The following AGT variants were observed in gnomAD, a reference collection of about 807,000 sequenced individuals.
AGT encodes angiotensinogen, also known as alpha-1 antiproteinase, antitrypsin.
AGT carries 26 observed loss-of-function variants against 28.1 expected under a neutral mutation model. That is an observed-to-expected ratio of 0.92 (90% CI 0.68 to 1.28). The LOEUF (loss-of-function observed/expected upper bound fraction) is 1.28. Among genes scored for constraint, AGT ranks in the 50% most tolerant of loss-of-function variants. The probability of loss-of-function intolerance (pLI) is 0.00; values close to 1 mark genes in which losing one functional copy is unlikely to be tolerated. For synonymous variants in AGT, 259 were observed against 259.6 expected, an observed-to-expected ratio of 1.00 and a Z score of 0.02; for missense variants, 596 against 592.3, an observed-to-expected ratio of 1.01 and a Z score of -0.06.
intron 1 of AGT, among the ~76,000 whole-genome samples, chr1:230,720,698 A>T (rs1011923680): frequency 6.6e-6 from 1 of 152,162 alleles, no homozygotes; most frequent in Non-Finnish European, 1.5e-5. Context: ...CTACACTGTC[A>T]TGCCCACCTT....
At chr1:230,709,323 C>T (rs1050903878) in intron 2 of AGT, among the ~76,000 whole-genome samples, 1 of 151,924 alleles carries the variant, frequency 6.6e-6, no homozygotes, top group Admixed American at 6.6e-5. Context: ...AATCCCAACA[C>T]TTTGGAAGGC....
intron 4 of AGT, among the ~76,000 whole-genome samples, chr1:230,703,803 C>T (rs762468220): frequency 5.3e-5 from 8 of 152,224 alleles, no homozygotes; most frequent in Non-Finnish European, 7.3e-5. Context: ...TGCCACATGG[C>T]AGGGGGACAT....
intron 2 of AGT, among the ~76,000 whole-genome samples, chr1:230,708,453 G>C (rs1288368553): frequency 6.6e-6 from 1 of 152,102 alleles, no homozygotes; most frequent in Non-Finnish European, 1.5e-5. Context: ...CCTCAACCGG[G>C]CAACCCTCGG....
chr1:230,730,588 C>A (rs971747534), intron 1 of AGT, among the ~76,000 whole-genome samples: 1 of 152,138 alleles, frequency 6.6e-6, no homozygotes, highest in Non-Finnish European at 1.5e-5. Context: ...GTGTGTGGAA[C>A]GAGCTGTGTC....
intron 1 of AGT, among the ~76,000 whole-genome samples, chr1:230,737,699 A>G (rs1162607045): frequency 6.6e-6 from 1 of 152,238 alleles, no homozygotes; most frequent in Non-Finnish European, 1.5e-5. Context: ...AATGAGGCAC[A>G]GAGCTTATTT....
intron 1 of AGT, among the ~76,000 whole-genome samples, chr1:230,721,692 T>C (rs1230247816): frequency 6.6e-6 from 1 of 152,120 alleles, no homozygotes; most frequent in Admixed American, 6.5e-5. Context: ...ATAAGGAACT[T>C]ATTGGGAACT....
chr1:230,719,958 G>T (rs964765954), intron 1 of AGT, among the ~76,000 whole-genome samples: 1 of 152,114 alleles, frequency 6.6e-6, no homozygotes, highest in Non-Finnish European at 1.5e-5. Flanking sequence ...TTGCAACAGG[G>T]GTCAAGCTCA....
At chr1:230,718,534 T>G (rs889255660), upstream of AGT, among the ~76,000 whole-genome samples, 16 of 152,030 alleles carry the variant, frequency 1.1e-4, no homozygotes, top group Non-Finnish European at 2.4e-4. Flanking sequence ...ATCTCCTCCC[T>G]GCTCTCCTCC....
At chr1:230,743,553 C>T (rs188125413) in intron 1 of AGT, among the ~76,000 whole-genome samples, 24 of 152,364 alleles carry the variant, frequency 1.6e-4, no homozygotes, top group African/African-American at 5.3e-4. Context: ...CCACTCTCCA[C>T]CCTCCTCGCC....
At chr1:230,737,221 C>T (rs1018904079) in intron 1 of AGT, among the ~76,000 whole-genome samples, 7 of 152,172 alleles carry the variant, frequency 4.6e-5, no homozygotes, top group East Asian at 1.9e-4. Flanking sequence ...CTGCATTGCC[C>T]GCAAGAAAAA....
rs1020523643 is a variant in AGT, at chr1:230,745,338, T to C, written c.-31+177A>G. On this transcript the variant is annotated intron_variant, in intron 1 of 4. Coordinates refer to the AGT transcript ENST00000681269. ...TTTGCTTCCACAAACCCGCCATGCC[T>C]CTAGCAGGCAGCACCGATTATCCTG... is the stretch of plus-strand genomic sequence containing the variant. 3.3e-5 allele frequency among the ~76,000 whole-genome samples: 5 copies of C among 152,252 alleles called. No individual in the cohort carries two copies. In the East Asian group the frequency reaches 7.7e-4, roughly 24 times the overall value.
At chr1:230,740,563 A>G (rs1006034214) in intron 1 of AGT, among the ~76,000 whole-genome samples, 8 of 152,242 alleles carry the variant, frequency 5.3e-5, no homozygotes, top group Admixed American at 4.6e-4. Flanking sequence ...TTTAAAATGA[A>G]TAAGAGTGTC....
chr1:230,706,105 T>A lies in AGT; in HGVS notation c.925A>T (p.Thr309Ser). The A allele has an allele frequency of 6.2e-7, 1 of 1,613,494 alleles. No homozygotes were observed. The highest frequency in any genetic ancestry group is 8.5e-7 in the Non-Finnish European group (1 of 1,179,924). Reference sequence around the variant, plus strand: ...TGGATGTCACTCCAGTGCTGGAAGGTGCCCATGCCAGAGAGCATGGGAACA... The same window carrying A: ...TGGATGTCACTCCAGTGCTGGAAGGAGCCCATGCCAGAGAGCATGGGAACA... ...VSVPMLSGMG[T>S]FQHWSDIQDN... Residue 309 changes from threonine to serine, a missense_variant, in exon 3 of 5, where the codon ACC becomes TCC. Transcript: ENST00000366667.
At chr1:230,707,577 G>A (rs953039859) in intron 2 of AGT, among the ~76,000 whole-genome samples, 3 of 152,116 alleles carry the variant, frequency 2.0e-5, no homozygotes, top group Non-Finnish European at 4.4e-5. Flanking sequence ...CTCAGTCCTC[G>A]GAGCACTCAG....
upstream of AGT, among the ~76,000 whole-genome samples, chr1:230,717,416 C>T (rs1024373827): frequency 9.2e-5 from 14 of 152,096 alleles, 1 homozygote; most frequent in African/African-American, 2.4e-4. Flanking sequence ...CTAAACCAAA[C>T]CAGGAAAGCA....
chr1:230,734,748 C>T (rs553933598), intron 1 of AGT, among the ~76,000 whole-genome samples: 10 of 151,956 alleles, frequency 6.6e-5, no homozygotes, highest in East Asian at 1.9e-4. Context: ...CTCGCTCTGT[C>T]GCCCAGGCTG....
chr1:230,727,507 T>G (rs1663965729), intron 1 of AGT, among the ~76,000 whole-genome samples: 1 of 152,230 alleles, frequency 6.6e-6, no homozygotes, highest in African/African-American at 2.4e-5. Flanking sequence ...GAGGGAATAC[T>G]AGGGACAGAT....
chr1:230,706,751 C>T (rs11568056), intron 2 of AGT, among the ~76,000 whole-genome samples: 12,435 of 152,238 alleles, frequency 0.082, 810 homozygotes, highest in East Asian at 0.34. Flanking sequence ...TACACTGACA[C>T]GTCCTCAGCA....
rs747524362 is a variant in AGT at position 230,710,562 on chromosome 1, T to G, written c.262A>C (p.Thr88Pro). 1 of 1,614,178 alleles carries G rather than the reference T, an allele frequency of 6.2e-7. No homozygotes were observed. Among genetic ancestry groups the G allele is most frequent in the African/African-American group, 1.3e-5 (1 of 75,054 alleles). ...QLVLVAAKLD[T>P]EDKLRAAMVG... ...ATTGCGGCCCTCAACTTGTCTTCGG[T>G]GTCAAGTTTTGCAGCGACTAGCACC... The change falls in exon 2 of 5, where the codon ACC (threonine) becomes CCC (proline). Residue 88 changes from threonine to proline, a missense_variant. Coordinates refer to ENST00000366667, the MANE Select transcript of AGT (RefSeq NM_001384479.1).
Sources: allele counts gnomAD v4.1 joint callset (sites outside exome capture counted in the v4.1 genomes callset), GRCh38; gene constraint gnomAD v4.1.1; transcripts MANE v1.5; gene names NCBI Gene and HGNC (gene_info 2026-07-23, HGNC 2026-07-21).